The following RPS6KC1 variants were observed in gnomAD, a reference collection of about 807,000 sequenced individuals.
The protein encoded by RPS6KC1 is inactive ribosomal protein S6 kinase delta-1.
A neutral mutation model predicts 103.8 loss-of-function variants in RPS6KC1; 54 were observed. The observed-to-expected ratio is 0.52, with a 90% CI of 0.42 to 0.65. The LOEUF (loss-of-function observed/expected upper bound fraction) is 0.65. Among genes scored for constraint, RPS6KC1 ranks in the 30% least tolerant of loss-of-function variants. The probability of loss-of-function intolerance (pLI) is 0.00; values close to 1 mark genes in which losing one functional copy is unlikely to be tolerated. For synonymous variants in RPS6KC1, 439 were observed against 438.7 expected, an observed-to-expected ratio of 1.00 and a Z score of -0.01; for missense variants, 1,151 against 1,253.8, an observed-to-expected ratio of 0.92 and a Z score of 1.24.
chr1:213,741,317 G>C, the RPS6KC1 span, among the ~76,000 whole-genome samples: 2 of 151,876 alleles, frequency 1.3e-5, no homozygotes, highest in African/African-American at 4.8e-5. Flanking sequence ...TATAATTATA[G>C]TCACCAGAAG....
the RPS6KC1 span, among the ~76,000 whole-genome samples, chr1:213,671,457 A>G: frequency 6.6e-6 from 1 of 152,204 alleles, no homozygotes; most frequent in African/African-American, 2.4e-5. Flanking sequence ...TTTATTTCAC[A>G]GTATGTTGGC....
chr1:213,546,283 G>A, the RPS6KC1 span: 1 of 152,146 alleles, frequency 6.6e-6, no homozygotes, highest in Non-Finnish European at 1.5e-5. Flanking sequence ...CTTTCCATAG[G>A]CACAAAGCTG....
intron 6 of RPS6KC1, among the ~76,000 whole-genome samples, chr1:213,136,596 A>G (rs947930187): frequency 6.6e-6 from 1 of 152,180 alleles, no homozygotes; most frequent in Admixed American, 6.5e-5. Flanking sequence ...GTTCTCTTAC[A>G]TGTTTCTTAG....
chr1:213,843,215 A>G, the RPS6KC1 span, among the ~76,000 whole-genome samples: 3 of 152,170 alleles, frequency 2.0e-5, no homozygotes, highest in Non-Finnish European at 2.9e-5. Flanking sequence ...AATCTGCTTT[A>G]CTCAAAGTCT....
intron 3 of RPS6KC1, among the ~76,000 whole-genome samples, chr1:213,102,805 T>G (rs1419155549): frequency 6.6e-6 from 1 of 152,138 alleles, no homozygotes; most frequent in Non-Finnish European, 1.5e-5. Context: ...CTTAGAAAAA[T>G]GCACCTGTGT....
chr1:213,520,708 G>A, the RPS6KC1 span, among the ~76,000 whole-genome samples: 1 of 152,264 alleles, frequency 6.6e-6, no homozygotes, highest in Admixed American at 6.5e-5. Flanking sequence ...CAGGTAGTTG[G>A]TGAGGGCTGA....
chr1:213,259,820 C>T (rs1573665855), intron 12 of RPS6KC1, among the ~76,000 whole-genome samples: 1 of 137,626 alleles, frequency 7.3e-6, no homozygotes, highest in South Asian at 2.4e-4. Context: ...CTCACCGCAA[C>T]CTCCACCTCC....
chr1:213,778,751 A>G, the RPS6KC1 span, among the ~76,000 whole-genome samples: 4 of 152,018 alleles, frequency 2.6e-5, no homozygotes, highest in African/African-American at 9.7e-5. Context: ...GACAAGCAGA[A>G]CCTGTACCTT....
chr1:213,469,366 T>C, the RPS6KC1 span, among the ~76,000 whole-genome samples: 2 of 152,250 alleles, frequency 1.3e-5, no homozygotes, highest in Admixed American at 1.3e-4. Context: ...AAAAATTGTA[T>C]TCTTTGATTA....
chr1:213,248,783 G>A (rs923599653), intron 12 of RPS6KC1, among the ~76,000 whole-genome samples: 3 of 152,162 alleles, frequency 2.0e-5, no homozygotes, highest in African/African-American at 7.2e-5. Context: ...GCCAGAATGC[G>A]ATTTGTCTCT....
At chr1:213,760,748 C>G in the RPS6KC1 span, among the ~76,000 whole-genome samples, 3 of 151,676 alleles carry the variant, frequency 2.0e-5, no homozygotes, top group African/African-American at 7.3e-5. Flanking sequence ...TTAGCCAGAT[C>G]TTGTAGATCT....
intron 8 of RPS6KC1, among the ~76,000 whole-genome samples, chr1:213,192,395 C>T (rs974779087): frequency 6.6e-6 from 1 of 152,116 alleles, no homozygotes; most frequent in Non-Finnish European, 1.5e-5. Flanking sequence ...ATACTAGCCT[C>T]ATAGACTGAG....
chr1:213,144,271 G>A (rs189480349), intron 6 of RPS6KC1, among the ~76,000 whole-genome samples: 2,896 of 152,058 alleles, frequency 0.019, 101 homozygotes, highest in African/African-American at 0.064. Flanking sequence ...GGCAGTTGGA[G>A]TTCTTTAGTT....
chr1:213,773,270 G>A, the RPS6KC1 span, among the ~76,000 whole-genome samples: 1 of 84,310 alleles, frequency 1.2e-5, no homozygotes, highest in Non-Finnish European at 2.8e-5. Flanking sequence ...GCGAGAGAAT[G>A]GGAGACTTTC....
At chr1:213,081,403 T>G (rs952277772) in intron 3 of RPS6KC1, among the ~76,000 whole-genome samples, 2 of 152,070 alleles carry the variant, frequency 1.3e-5, no homozygotes, top group Non-Finnish European at 2.9e-5. Context: ...TCACGGGAAC[T>G]AAGAGTGAGA....
the RPS6KC1 span, among the ~76,000 whole-genome samples, chr1:213,599,881 G>A: frequency 1.3e-5 from 2 of 152,188 alleles, no homozygotes; most frequent in Non-Finnish European, 2.9e-5. Context: ...CAGCTATGGG[G>A]TGAAGCATGC....
the RPS6KC1 span, among the ~76,000 whole-genome samples, chr1:213,301,721 A>AT: frequency 1.4e-5 from 2 of 143,816 alleles, no homozygotes; most frequent in African/African-American, 5.7e-5. Flanking sequence ...TTATTTATTT[A>AT]TTTATTTATT....
chr1:213,249,487 C>T (rs555438299), intron 12 of RPS6KC1, among the ~76,000 whole-genome samples: 17 of 152,308 alleles, frequency 1.1e-4, no homozygotes, highest in African/African-American at 3.4e-4. Flanking sequence ...AATAGCCATG[C>T]GTGTAGCTCT....
At chr1:213,606,954 TC>T in the RPS6KC1 span, among the ~76,000 whole-genome samples, 5 of 152,218 alleles carry the variant, frequency 3.3e-5, no homozygotes, top group African/African-American at 1.2e-4. Context: ...TATGATCATC[TC>T]CATTTACAGA....
Sources: allele counts gnomAD v4.1 joint callset (sites outside exome capture counted in the v4.1 genomes callset), GRCh38; gene constraint gnomAD v4.1.1; transcripts MANE v1.5; gene names NCBI Gene and HGNC (gene_info 2026-07-23, HGNC 2026-07-21).